The following BATF variants were observed in gnomAD, a reference collection of about 807,000 sequenced individuals.
The protein encoded by BATF is basic leucine zipper ATF-like transcription factor.
BATF carries 5 observed loss-of-function variants against 13.7 expected under a neutral mutation model. The ratio of observed to expected loss-of-function variants is 0.36; its 90% CI spans 0.19 to 0.77. The LOEUF (loss-of-function observed/expected upper bound fraction) is 0.77, where lower values mean the gene tolerates loss of function less well. BATF is among the 30% of genes least tolerant of loss of function. BATF has a pLI of 0.51. For synonymous variants in BATF, 72 were observed against 67.5 expected, an observed-to-expected ratio of 1.07 and a Z score of -0.33; for missense variants, 124 against 163.0, an observed-to-expected ratio of 0.76 and a Z score of 1.30.
intron 2 of BATF, among the ~76,000 whole-genome samples, chr14:75,534,665 A>G (rs1315041344): frequency 6.6e-6 from 1 of 152,266 alleles, no homozygotes; most frequent in Non-Finnish European, 1.5e-5. Flanking sequence ...GCCTTCATCA[A>G]GCTAATTGGC....
intron 2 of BATF, among the ~76,000 whole-genome samples, chr14:75,527,164 A>T (rs1315842778): frequency 6.6e-6 from 1 of 152,192 alleles, no homozygotes; most frequent in Non-Finnish European, 1.5e-5. Context: ...AGCCCAACAC[A>T]ATGCCTGTCA....
chr14:75,539,408 G>C (rs770697854), intron 2 of BATF, among the ~76,000 whole-genome samples: 72 of 138,308 alleles, frequency 5.2e-4, no homozygotes, highest in Non-Finnish European at 8.2e-4. Context: ...CTAGCTACAA[G>C]GTAAGGTAAG....
rs118055703 is a variant in BATF, at chr14:75,539,467, A to G, written c.169-6995A>G. ...TTTTTTTTTTAGCAATTCTTTTCCC[A>G]GTCTTTCTAGAGGAAGGCAAGGCAG... On this transcript the variant is annotated intron_variant, in intron 2 of 2. Coordinates refer to ENST00000286639, the MANE Select transcript of BATF (RefSeq NM_006399.5). Among the ~76,000 whole-genome samples the G allele has an allele frequency of 0.017, 1,085 of 63,434 alleles. 15 individuals are homozygous for G. In the Middle Eastern group the frequency reaches 0.2, roughly 12 times the overall value. The allele number at this position is 63,434 out of a possible 152,430, so 41.6% of individuals were successfully genotyped here. A position where few individuals can be genotyped will look rare whatever the true frequency, so the allele number is the denominator to read the frequency against.
chr14:75,522,777 C>G (rs1887591374), intron 1 of BATF, 32 bp downstream of exon 1: 1 of 1,613,074 alleles, frequency 6.2e-7, no homozygotes. Context: ...CTCCTACCTT[C>G]TGATTCTCCT....
chr14:75,541,087 T>C (rs2140041724), intron 2 of BATF, among the ~76,000 whole-genome samples: 1 of 152,298 alleles, frequency 6.6e-6, no homozygotes, highest in Non-Finnish European at 1.5e-5. Context: ...AGACTCTGTC[T>C]CAAAAATTAA....
At chr14:75,525,005 T>C (rs1887629963) in intron 1 of BATF, 79 bp from the exon 2 acceptor site, 2 of 1,233,656 alleles carry the variant, frequency 1.6e-6, no homozygotes, top group African/African-American at 1.5e-5. Flanking sequence ...GCTGGACGGA[T>C]ACCACACACC....
At chr14:75,525,655 A>G (rs12894868) in intron 2 of BATF, among the ~76,000 whole-genome samples, 6 of 89,468 alleles carry the variant, frequency 6.7e-5, no homozygotes, top group Admixed American at 5.1e-4. Flanking sequence ...GTGAAACTTC[A>G]TCTCAAAAAA....
At chr14:75,531,127 G>T (rs566656633) in intron 2 of BATF, among the ~76,000 whole-genome samples, 3 of 152,298 alleles carry the variant, frequency 2.0e-5, no homozygotes, top group African/African-American at 7.2e-5. Context: ...ACATGGAAGA[G>T]TATTCAATCT....
chr14:75,538,906 A>G (rs997072011), intron 2 of BATF, among the ~76,000 whole-genome samples: 6 of 151,932 alleles, frequency 3.9e-5, no homozygotes, highest in Admixed American at 3.3e-4. Flanking sequence ...GTCTCAAAAA[A>G]CAAACAAACA....
intron 2 of BATF, among the ~76,000 whole-genome samples, chr14:75,539,735 A>C (rs969873896): frequency 2.0e-5 from 3 of 152,150 alleles, no homozygotes; most frequent in Non-Finnish European, 4.4e-5. Flanking sequence ...CACGTGCATT[A>C]TTCAGCGCAA....
chr14:75,540,939 T>C (rs1396666187), intron 2 of BATF, among the ~76,000 whole-genome samples: 1 of 152,036 alleles, frequency 6.6e-6, no homozygotes, highest in Non-Finnish European at 1.5e-5. Flanking sequence ...TACAAAAAGT[T>C]AGCCAAGTGT....
At chr14:75,535,435 T>C (rs918553762) in intron 2 of BATF, among the ~76,000 whole-genome samples, 3 of 152,076 alleles carry the variant, frequency 2.0e-5, no homozygotes, top group African/African-American at 7.2e-5. Flanking sequence ...GATCTCAATA[T>C]GTGTAAATGA....
intron 2 of BATF, among the ~76,000 whole-genome samples, chr14:75,528,707 A>G (rs1224886818): frequency 6.6e-6 from 1 of 152,276 alleles, no homozygotes; most frequent in African/African-American, 2.4e-5. Flanking sequence ...GAAAGGCATA[A>G]CTTGACCAGT....
intron 2 of BATF, among the ~76,000 whole-genome samples, chr14:75,531,932 A>C (rs1887740417): frequency 6.6e-6 from 1 of 152,154 alleles, no homozygotes; most frequent in Non-Finnish European, 1.5e-5. Context: ...ACCCTTAAAA[A>C]GTTCAATGTA....
intron 2 of BATF, among the ~76,000 whole-genome samples, chr14:75,528,805 C>T (rs1887689626): frequency 6.6e-6 from 1 of 152,088 alleles, no homozygotes; most frequent in African/African-American, 2.4e-5. Context: ...ATGCAGTCAG[C>T]TTCTAAAATT....
intron 2 of BATF, among the ~76,000 whole-genome samples, chr14:75,539,301 T>C (rs1440047648): frequency 6.6e-6 from 1 of 152,164 alleles, no homozygotes; most frequent in Non-Finnish European, 1.5e-5. Context: ...GGCTGTGCCT[T>C]TTTGGTAGGA....
chr14:75,541,371 G>A (rs1887892827), intron 2 of BATF, among the ~76,000 whole-genome samples: 1 of 152,178 alleles, frequency 6.6e-6, no homozygotes, highest in Non-Finnish European at 1.5e-5. Flanking sequence ...CAGGACCAGG[G>A]CCCAAGTTCC....
rs1389228775 is a variant in BATF at position 75,531,375 on chromosome 14, C to G, written c.168+6187C>G. Among the ~76,000 whole-genome samples, 4 of 152,284 alleles carry G rather than the reference C, an allele frequency of 2.6e-5. No individual in the cohort carries two copies. The South Asian group carries it at 6.2e-4, about 24-fold the overall frequency. ...AAGAGAGCTGAGGTCAATTAAGAAG[C>G]TTTATTCATGAAAAGGCTAAAATCA... On this transcript the variant is annotated intron_variant, in intron 2 of 2. Transcript: ENST00000286639.
rs1162218076 is a variant in BATF, at chr14:75,539,424, A to ATTTTTTTTTTTTTTTTTT, written c.169-7028_169-7011dup. Among the ~76,000 whole-genome samples the ATTTTTTTTTTTTTTTTTT allele has an allele frequency of 1.2e-4, 7 of 58,552 alleles. 2 individuals carry two copies. Among genetic ancestry groups the ATTTTTTTTTTTTTTTTTT allele is most frequent in the African/African-American group, 5.0e-4 (7 of 14,090 alleles). 38.4% of individuals were successfully genotyped at this position (58,552 alleles called of 152,430 possible). On this transcript the variant is annotated intron_variant, in intron 2 of 2. Coordinates refer to ENST00000286639, the MANE Select transcript of BATF (RefSeq NM_006399.5). The stretch of plus-strand genomic sequence containing the variant: ...TAGCTACAAGGTAAGGTAAGCTGGA[A>ATTTTTTTTTTTTTTTTTT]TTTTTTTTTTTTTTTTTTTTTTTTT...
Sources: gnomAD v4.1 joint callset for allele counts (sites outside exome capture counted in the v4.1 genomes callset) on GRCh38, gnomAD v4.1.1 for gene constraint, MANE v1.5 for transcripts, NCBI Gene and HGNC (gene_info 2026-07-23, HGNC 2026-07-21) for gene names.